SUMF1: variants seen among roughly 807,000 people sequenced by gnomAD.
The protein encoded by SUMF1 is sulfatase modifying factor 1.
SUMF1 carries 48 observed loss-of-function variants against 47.6 expected under a neutral mutation model. That is an observed-to-expected ratio of 1.01 (90% confidence interval 0.80 to 1.28). SUMF1 has a LOEUF of 1.28. SUMF1 is among the 50% of genes most tolerant of loss of function. The pLI, the probability that SUMF1 is intolerant of heterozygous loss-of-function variation, is 0.00. For synonymous variants in SUMF1, 230 were observed against 192.1 expected (o/e 1.20, Z -1.63); for missense variants, 571 against 485.4 (o/e 1.18, Z -1.66).
intron 8 of SUMF1, among the ~76,000 whole-genome samples, chr3:4,234,834 A>G (rs17040296): frequency 0.041 from 6,247 of 152,252 alleles, 412 homozygotes; most frequent in African/African-American, 0.14. Context: ...AAAAGAGAGC[A>G]TGGCATCGTC....
chr3:4,340,313 G>C (rs1699244819), intron 8 of SUMF1, among the ~76,000 whole-genome samples: 1 of 152,094 alleles, frequency 6.6e-6, no homozygotes, highest in Non-Finnish European at 1.5e-5. Flanking sequence ...CATAACTTCT[G>C]ACCATTCACA....
chr3:4,138,076 AT>A (rs1473727165), intron 8 of SUMF1, among the ~76,000 whole-genome samples: 1 of 152,120 alleles, frequency 6.6e-6, no homozygotes, highest in African/African-American at 2.4e-5. Flanking sequence ...CATCAAAAAA[AT>A]AAAATACTTA....
chr3:4,338,263 G>A (rs755231985), intron 8 of SUMF1, among the ~76,000 whole-genome samples: 1 of 150,774 alleles, frequency 6.6e-6, no homozygotes, highest in East Asian at 1.9e-4. Flanking sequence ...GACAAAGTGA[G>A]ACCCTGTCTC....
chr3:4,456,822 G>A (rs200248817), intron 1 of SUMF1, among the ~76,000 whole-genome samples: 3,719 of 9,806 alleles, frequency 0.38, 8 homozygotes, highest in Non-Finnish European at 0.4. Context: ...ACGTGTGTGT[G>A]TATATATACG....
chr3:4,212,369 G>A (rs999266771), intron 8 of SUMF1, among the ~76,000 whole-genome samples: 5 of 151,970 alleles, frequency 3.3e-5, no homozygotes, highest in African/African-American at 1.2e-4. Context: ...CTAACAAAAA[G>A]AAAGGAATAG....
intron 8 of SUMF1, among the ~76,000 whole-genome samples, chr3:4,266,085 C>T (rs577894326): frequency 6.6e-6 from 1 of 152,302 alleles, no homozygotes; most frequent in Non-Finnish European, 1.5e-5. Context: ...TTCCATTGAT[C>T]TAGATCTCTG....
chr3:4,186,410 T>C (rs1473268881), intron 8 of SUMF1, among the ~76,000 whole-genome samples: 1 of 152,150 alleles, frequency 6.6e-6, no homozygotes, highest in Non-Finnish European at 1.5e-5. Flanking sequence ...AGTAGAGACA[T>C]AACCCATACA....
intron 8 of SUMF1, among the ~76,000 whole-genome samples, chr3:4,161,751 C>T (rs926110693): frequency 6.6e-6 from 1 of 152,076 alleles, no homozygotes; most frequent in Non-Finnish European, 1.5e-5. Flanking sequence ...AGAGCCAAGA[C>T]CTAGAATCAG....
chr3:4,317,202 C>T (rs1159988452), intron 8 of SUMF1: 4 of 1,547,960 alleles, frequency 2.6e-6, no homozygotes, highest in South Asian at 1.2e-5. Flanking sequence ...ACTTATTTCT[C>T]GTTGGCAAAA....
chr3:4,401,653 G>A (rs1701216281), intron 7 of SUMF1, among the ~76,000 whole-genome samples: 2 of 152,198 alleles, frequency 1.3e-5, no homozygotes, highest in South Asian at 4.1e-4. Context: ...CTAAATCTCA[G>A]ATGGAAACCC....
intron 8 of SUMF1, among the ~76,000 whole-genome samples, chr3:4,245,947 T>C (rs952692033): frequency 6.6e-6 from 1 of 152,196 alleles, no homozygotes; most frequent in Non-Finnish European, 1.5e-5. Flanking sequence ...TAGAACTGCC[T>C]ACTGAAGCCT....
At chr3:4,093,747 A>G (rs1692839825) in intron 8 of SUMF1, among the ~76,000 whole-genome samples, 1 of 152,114 alleles carries the variant, frequency 6.6e-6, no homozygotes, top group Non-Finnish European at 1.5e-5. Flanking sequence ...GAGTCAGATG[A>G]TAATGACTAA....
intron 8 of SUMF1, chr3:4,313,343 A>G: frequency 6.2e-7 from 1 of 1,614,080 alleles, no homozygotes; most frequent in Non-Finnish European, 8.5e-7. Flanking sequence ...GAACATGTTT[A>G]TAATGGGCAG....
intron 8 of SUMF1, among the ~76,000 whole-genome samples, chr3:4,098,389 T>C (rs188201459): frequency 6.6e-6 from 1 of 152,254 alleles, no homozygotes; most frequent in African/African-American, 2.4e-5. Context: ...CAATATTATA[T>C]ATTAAAATGT....
chr3:4,095,912 A>G (rs544050270), intron 8 of SUMF1, among the ~76,000 whole-genome samples: 3 of 152,286 alleles, frequency 2.0e-5, no homozygotes, highest in African/African-American at 4.8e-5. Flanking sequence ...AACTCAGCCA[A>G]TACAGACACA....
chr3:4,073,593 C>A (rs969253222), intron 8 of SUMF1, among the ~76,000 whole-genome samples: 19 of 152,160 alleles, frequency 1.2e-4, no homozygotes, highest in Non-Finnish European at 2.5e-4. Flanking sequence ...GGAGACCCAT[C>A]TCACATGCAA....
chr3:4,176,251 T>A (rs543418700), intron 8 of SUMF1, among the ~76,000 whole-genome samples: 2 of 151,762 alleles, frequency 1.3e-5, no homozygotes, highest in African/African-American at 4.8e-5. Flanking sequence ...TTCACCAAGG[T>A]TGAAATGAAG....
chr3:4,136,999 T>C (rs1693949010), intron 8 of SUMF1, among the ~76,000 whole-genome samples: 1 of 152,028 alleles, frequency 6.6e-6, no homozygotes, highest in African/African-American at 2.4e-5. Flanking sequence ...TGTGGAGAAA[T>C]AGGAACACTT....
chr3:4,378,995 C>T (rs528439703), intron 7 of SUMF1, among the ~76,000 whole-genome samples: 1 of 152,168 alleles, frequency 6.6e-6, no homozygotes, highest in Non-Finnish European at 1.5e-5. Flanking sequence ...ATCACAGTGA[C>T]GCAAGTAGTA....
Sources: allele counts gnomAD v4.1 joint callset (sites outside exome capture counted in the v4.1 genomes callset), GRCh38; gene constraint gnomAD v4.1.1; transcripts MANE v1.5; gene names NCBI Gene and HGNC (gene_info 2026-07-23, HGNC 2026-07-21).